The following PLXDC2 variants were observed in gnomAD, a reference collection of about 807,000 sequenced individuals.
The protein encoded by PLXDC2 is plexin domain-containing protein 2.
In PLXDC2, 40 loss-of-function variants were observed where a neutral mutation model predicts 68.9. The ratio of observed to expected loss-of-function variants is 0.58; its 90% CI spans 0.45 to 0.76. The LOEUF is 0.76. Ranked by LOEUF, PLXDC2 falls within the 30% of genes least tolerant of loss-of-function variation. The pLI is 0.00. For synonymous variants in PLXDC2, 243 were observed against 234.2 expected (o/e 1.04, Z -0.34); for missense variants, 644 against 661.9 (o/e 0.97, Z 0.30).
chr10:20,202,323 A>T (rs1834931897), intron 9 of PLXDC2, among the ~76,000 whole-genome samples: 1 of 152,170 alleles, frequency 6.6e-6, no homozygotes, highest in Non-Finnish European at 1.5e-5. Flanking sequence ...AAGACACTAT[A>T]TTGGAGAAAT....
intron 1 of PLXDC2, among the ~76,000 whole-genome samples, chr10:19,892,006 C>T (rs566426972): frequency 6.6e-6 from 1 of 152,190 alleles, no homozygotes; most frequent in East Asian, 1.9e-4. Flanking sequence ...CAAAGAGACA[C>T]TACTTTTCAT....
At chr10:20,060,297 CA>C (rs75854055) in intron 3 of PLXDC2, among the ~76,000 whole-genome samples, 1 of 58,912 alleles carries the variant, frequency 1.7e-5, no homozygotes, top group Non-Finnish European at 3.8e-5. Flanking sequence ...ACTGGGACTA[CA>C]AGTGTGAGCC....
chr10:20,084,870 C>T (rs1466418506), intron 4 of PLXDC2, among the ~76,000 whole-genome samples: 2 of 126,094 alleles, frequency 1.6e-5, no homozygotes, highest in Non-Finnish European at 3.1e-5. Context: ...TCACGAAGGC[C>T]GTGGCAGAGG....
chr10:20,031,088 T>C (rs1370009258), intron 2 of PLXDC2, among the ~76,000 whole-genome samples: 1 of 152,072 alleles, frequency 6.6e-6, no homozygotes. Context: ...ATAGAAAGAA[T>C]TGGGCTTAGT....
chr10:19,819,430 G>GA (rs1466514719), intron 1 of PLXDC2, among the ~76,000 whole-genome samples: 2 of 152,028 alleles, frequency 1.3e-5, no homozygotes, highest in Non-Finnish European at 2.9e-5. Context: ...AGGTGAAACA[G>GA]AAAAAAGTAT....
chr10:20,098,402 T>C (rs1332067944), intron 4 of PLXDC2, among the ~76,000 whole-genome samples: 3 of 150,954 alleles, frequency 2.0e-5, no homozygotes, highest in African/African-American at 4.9e-5. Context: ...TAATCTCCCA[T>C]CTCCCAGTAC....
In PLXDC2 at chr10:20,177,042, A is replaced by G. The variant is rs1485271903; in HGVS notation, c.927A>G (p.Leu309=). The part of the protein sequence containing the change: ...RTIYEYHRVE[L]QMSKITNISA... Reference sequence around the variant, plus strand: ...TTTATGAATACCACCGAGTAGAGCTACAAATGTCAAAAATTACCAACATTT... The same window carrying G: ...TTTATGAATACCACCGAGTAGAGCTGCAAATGTCAAAAATTACCAACATTT... Residue 309 remains leucine (L), a synonymous_variant, in exon 8 of 14, where the codon CTA becomes CTG. Coordinates refer to ENST00000377252, the MANE Select transcript of PLXDC2 (RefSeq NM_032812.9). 1.9e-6 allele frequency: 3 copies of G among 1,612,228 alleles called. No homozygotes were observed. The highest frequency in any genetic ancestry group is 1.1e-5 in the South Asian group (1 of 91,054).
intron 2 of PLXDC2, among the ~76,000 whole-genome samples, chr10:20,025,016 C>T (rs1263906635): frequency 6.6e-6 from 1 of 152,118 alleles, no homozygotes; most frequent in Non-Finnish European, 1.5e-5. Context: ...GTGACTAGTG[C>T]TGCAATGAAC....
intron 4 of PLXDC2, among the ~76,000 whole-genome samples, chr10:20,108,031 T>A (rs12355877): frequency 0.22 from 32,946 of 152,170 alleles, 4,601 homozygotes; most frequent in East Asian, 0.49. Flanking sequence ...TTTGGACTCC[T>A]TTACATAGAT....
At chr10:20,190,561 C>T (rs1053262035) in intron 9 of PLXDC2, among the ~76,000 whole-genome samples, 9 of 150,474 alleles carry the variant, frequency 6.0e-5, no homozygotes, top group African/African-American at 9.8e-5. Flanking sequence ...CAAACCTGCA[C>T]GTTGTGCACA....
At chr10:20,276,789 T>G (rs1310622275) in intron 13 of PLXDC2, among the ~76,000 whole-genome samples, 1 of 152,140 alleles carries the variant, frequency 6.6e-6, no homozygotes, top group Non-Finnish European at 1.5e-5. Context: ...CTGGCTGTGC[T>G]CAATCATGCT....
chr10:20,272,454 A>C (rs1252682078), intron 13 of PLXDC2, among the ~76,000 whole-genome samples: 5 of 152,164 alleles, frequency 3.3e-5, no homozygotes, highest in Non-Finnish European at 1.5e-5. Flanking sequence ...AAAAGGAAAA[A>C]AAAAATTCAA....
intron 13 of PLXDC2, among the ~76,000 whole-genome samples, chr10:20,268,172 A>G (rs948813004): frequency 6.6e-5 from 10 of 152,114 alleles, no homozygotes; most frequent in African/African-American, 2.4e-4. Flanking sequence ...CTAATACTTT[A>G]TTGTTCCTTT....
intron 4 of PLXDC2, among the ~76,000 whole-genome samples, chr10:20,137,461 T>G (rs1177776595): frequency 6.6e-6 from 1 of 152,220 alleles, no homozygotes; most frequent in Non-Finnish European, 1.5e-5. Context: ...CATCTCATTT[T>G]ATGAATTGCA....
intron 12 of PLXDC2, among the ~76,000 whole-genome samples, chr10:20,239,770 C>G (rs1473524284): frequency 2.0e-5 from 3 of 152,224 alleles, no homozygotes; most frequent in South Asian, 2.1e-4. Context: ...AACAATCAGT[C>G]GAGCCACATA....
At chr10:20,110,990 T>C (rs1833553301) in intron 4 of PLXDC2, among the ~76,000 whole-genome samples, 1 of 152,174 alleles carries the variant, frequency 6.6e-6, no homozygotes, top group Non-Finnish European at 1.5e-5. Flanking sequence ...GCTCACCCCC[T>C]GACCAGGGTA....
At chr10:19,992,698 A>G (rs1357422911) in intron 1 of PLXDC2, among the ~76,000 whole-genome samples, 2 of 152,210 alleles carry the variant, frequency 1.3e-5, no homozygotes, top group Non-Finnish European at 2.9e-5. Context: ...TATAATAGAA[A>G]ACAACAACCA....
chr10:20,083,728 A>G (rs1288378279), intron 4 of PLXDC2, among the ~76,000 whole-genome samples: 3 of 152,182 alleles, frequency 2.0e-5, no homozygotes, highest in Non-Finnish European at 4.4e-5. Flanking sequence ...TAAATTGCTG[A>G]TAAAATTGCC....
intron 1 of PLXDC2, among the ~76,000 whole-genome samples, chr10:19,985,601 T>C (rs1191537034): frequency 6.6e-6 from 1 of 152,204 alleles, no homozygotes; most frequent in African/African-American, 2.4e-5. Flanking sequence ...CTTCTCTGAG[T>C]CCACTCTTTA....
Sources: gnomAD v4.1 joint callset for allele counts (sites outside exome capture counted in the v4.1 genomes callset) on GRCh38, gnomAD v4.1.1 for gene constraint, MANE v1.5 for transcripts, NCBI Gene and HGNC (gene_info 2026-07-23, HGNC 2026-07-21) for gene names.